THAP8: variants seen among roughly 807,000 people sequenced by gnomAD.
THAP8 encodes THAP domain containing 8, also known as THAP domain-containing protein 8.
Under a neutral mutation model 25.0 loss-of-function variants are expected in THAP8, and 24 were observed. The observed-to-expected ratio is 0.96, with a 90% confidence interval of 0.69 to 1.35. The LOEUF (loss-of-function observed/expected upper bound fraction) is 1.35, where lower values mean the gene tolerates loss of function less well. THAP8 is among the 40% of genes most tolerant of loss of function. THAP8 has a pLI of 0.00. For missense variants in THAP8, 399 were observed against 368.8 expected (o/e 1.08, Z -0.67); for synonymous variants, 169 against 157.6 (o/e 1.07, Z -0.54).
chr19:36,035,499 C>T lies in THAP8; in HGVS notation c.766G>A (p.Ala256Thr). 1.2e-6 allele frequency: 2 copies of T among 1,614,168 alleles called. No homozygotes were observed. Among genetic ancestry groups the T allele is most frequent in the South Asian group, 2.2e-5 (2 of 91,086 alleles). The change falls in exon 4 of 4, where the codon GCA becomes ACA. Residue 256 changes from alanine (A) to threonine (T), a missense_variant. By Grantham distance (58) the Ala-to-Thr change is moderately conservative. Coordinates refer to ENST00000292894, the MANE Select transcript of THAP8 (RefSeq NM_152658.3). ...GGCTTGGCATCCACTGTGGCAGGTG[C>T]AGGGTCCTGGGCAAGGACCATGGCT... ...DIAMVLAQDPAPATVDAKPEL... is the reference protein window; with the variant it reads ...DIAMVLAQDPTPATVDAKPEL...
intron 1 of THAP8, among the ~76,000 whole-genome samples, chr19:36,053,892 C>T (rs1228794042): frequency 2.0e-5 from 3 of 151,038 alleles, no homozygotes; most frequent in African/African-American, 7.4e-5. Flanking sequence ...TCACTTCTTA[C>T]ATCCCTTTCA....
chr19:36,052,593 GAA>G (rs1243024494), intron 1 of THAP8, among the ~76,000 whole-genome samples: 2 of 152,228 alleles, frequency 1.3e-5, no homozygotes, highest in Non-Finnish European at 2.9e-5. Context: ...AAGCAAATCA[GAA>G]CTGTGTGTAA....
chr19:36,037,984 G>A (rs1203888832), intron 3 of THAP8, among the ~76,000 whole-genome samples: 1 of 151,794 alleles, frequency 6.6e-6, no homozygotes, highest in Non-Finnish European at 1.5e-5. Context: ...TCGCTCTGTT[G>A]CCCAGGCTTG....
intron 1 of THAP8, among the ~76,000 whole-genome samples, chr19:36,053,458 G>T (rs890042416): frequency 2.0e-5 from 3 of 150,758 alleles, no homozygotes; most frequent in Admixed American, 2.0e-4. Context: ...GGTAGGGTGA[G>T]GTGGGAGGAT....
intron 3 of THAP8, among the ~76,000 whole-genome samples, chr19:36,036,706 C>T (rs957159558): frequency 6.6e-6 from 1 of 151,902 alleles, no homozygotes; most frequent in Non-Finnish European, 1.5e-5. Context: ...TATAGGAGGC[C>T]GAGGTGGGCT....
intron 1 of THAP8, among the ~76,000 whole-genome samples, chr19:36,040,348 C>T (rs947353839): frequency 1.3e-5 from 2 of 152,140 alleles, no homozygotes; most frequent in East Asian, 1.9e-4. Context: ...TTTTGTGAGA[C>T]GGGGTTTCGC....
chr19:36,051,520 C>CT (rs1970055045), intron 1 of THAP8, among the ~76,000 whole-genome samples: 1 of 151,924 alleles, frequency 6.6e-6, no homozygotes. Context: ...GAAGAGGCTG[C>CT]TAAAATAGTC....
chr19:36,044,413 C>G (rs1366155318), intron 1 of THAP8, among the ~76,000 whole-genome samples: 1 of 148,906 alleles, frequency 6.7e-6, no homozygotes, highest in Non-Finnish European at 1.5e-5. Context: ...ATTCCATAAA[C>G]AAAAGCTAAC....
chr19:36,038,902 G>A (rs1969577999), intron 3 of THAP8, among the ~76,000 whole-genome samples: 2 of 151,924 alleles, frequency 1.3e-5, no homozygotes, highest in African/African-American at 4.8e-5. Context: ...GGGTCATAGT[G>A]AGTTTTCAGC....
chr19:36,053,131 C>T (rs987222192), intron 1 of THAP8, among the ~76,000 whole-genome samples: 3 of 151,980 alleles, frequency 2.0e-5, no homozygotes, highest in Admixed American at 6.6e-5. Context: ...GCAGTGGCCT[C>T]ATCTTGGCTC....
At chr19:36,040,172 G>A (rs780798320) in intron 1 of THAP8, 36 bp from the exon 2 acceptor site, 26 of 1,567,786 alleles carry the variant, frequency 1.7e-5, no homozygotes, top group African/African-American at 5.4e-5. Flanking sequence ...TCAGTGCTAC[G>A]AGGTTCAGAC....
At chr19:36,045,870 C>G in intron 1 of THAP8, 1 of 456,636 alleles carries the variant, frequency 2.2e-6, no homozygotes, top group Non-Finnish European at 4.4e-6. Context: ...GGTTTTGGCC[C>G]AGGAAAGCCG....
At chr19:36,036,432 C>A (rs1186916177) in intron 3 of THAP8, among the ~76,000 whole-genome samples, 1 of 152,022 alleles carries the variant, frequency 6.6e-6, no homozygotes, top group Non-Finnish European at 1.5e-5. Flanking sequence ...CAACACTTGG[C>A]TAATTTTTTG....
upstream of THAP8, chr19:36,054,393 A>G (rs1032297875): frequency 7.1e-6 from 5 of 703,946 alleles, no homozygotes; most frequent in East Asian, 1.1e-4. Flanking sequence ...GCCCCTCCAC[A>G]GTGCCACAGT....
Position 36,035,904 on chromosome 19 carries a change from A to T in THAP8, c.673-312T>A, listed in dbSNP as rs1217326660. ...CAGAGATATGGGGGAGACAGAAAAT[A>T]TGCAGATAAAGAGAGACACAGGGAG... On this transcript the variant is annotated intron_variant, in intron 3 of 3. Transcript: ENST00000292894. Among the ~76,000 whole-genome samples, 4 of 151,684 alleles carry T rather than the reference A, an allele frequency of 2.6e-5. No homozygotes were observed. The East Asian group carries it at 7.9e-4, about 30-fold the overall frequency.
chr19:36,054,375 T>C, upstream of THAP8: 1 of 847,366 alleles, frequency 1.2e-6, no homozygotes, highest in Non-Finnish European at 1.9e-6. Context: ...AGCGCCTGCC[T>C]ACTAGGCGCC....
At chr19:36,049,781 G>T (rs149473565) in intron 1 of THAP8, among the ~76,000 whole-genome samples, 9 of 152,176 alleles carry the variant, frequency 5.9e-5, no homozygotes, top group African/African-American at 1.9e-4. Flanking sequence ...GGCCAGGCAC[G>T]GTTGCTCACG....
At chr19:36,040,240 C>T (rs781451970) in intron 1 of THAP8, 104 bp from the exon 2 acceptor site, 30 of 1,242,208 alleles carry the variant, frequency 2.4e-5, no homozygotes, top group Non-Finnish European at 3.2e-5. Flanking sequence ...CCTGTGCCTC[C>T]CTAGGGCTAG....
chr19:36,039,222 A>G, intron 3 of THAP8, 101 bp downstream of exon 3: 1 of 1,371,164 alleles, frequency 7.3e-7, no homozygotes, highest in Non-Finnish European at 9.4e-7. Flanking sequence ...ACACGGCTGA[A>G]TGTTCTGATT....
Sources: gnomAD v4.1 joint callset for allele counts (sites outside exome capture counted in the v4.1 genomes callset) on GRCh38, gnomAD v4.1.1 for gene constraint, MANE v1.5 for transcripts, NCBI Gene and HGNC (gene_info 2026-07-23, HGNC 2026-07-21) for gene names.